Variants in ABTB3 observed in about 807,000 individuals in gnomAD.
The protein encoded by ABTB3 is ankyrin repeat- and BTB/POZ domain-containing protein 3.
At chr12:107,340,651 G>C in the ABTB3 span, among the ~76,000 whole-genome samples, 1 of 151,780 alleles carries the variant, frequency 6.6e-6, no homozygotes, top group East Asian at 1.9e-4. Context: ...ATGAAGCATC[G>C]ATGCAACCCT....
At chr12:107,371,661 T>G in the ABTB3 span, among the ~76,000 whole-genome samples, 3 of 152,204 alleles carry the variant, frequency 2.0e-5, no homozygotes, top group Admixed American at 2.0e-4. Context: ...TTACTCCTCC[T>G]CCATTTCCAT....
At chr12:107,414,722 CTT>C in the ABTB3 span, among the ~76,000 whole-genome samples, 4 of 139,880 alleles carry the variant, frequency 2.9e-5, no homozygotes. Flanking sequence ...TTTTCTTTTT[CTT>C]TTTTTTTTTT....
chr12:107,549,155 C>T, the ABTB3 span, among the ~76,000 whole-genome samples: 882 of 152,310 alleles, frequency 5.8e-3, 10 homozygotes, highest in African/African-American at 0.02. Context: ...ATACAATCAC[C>T]AATCACCAAC....
chr12:107,419,817 G>A, the ABTB3 span, among the ~76,000 whole-genome samples: 2 of 152,334 alleles, frequency 1.3e-5, no homozygotes, highest in South Asian at 4.1e-4. Context: ...CGAAGTTTCA[G>A]ACAGCTTTCT....
chr12:107,410,676 G>T, the ABTB3 span, among the ~76,000 whole-genome samples: 1 of 152,180 alleles, frequency 6.6e-6, no homozygotes, highest in African/African-American at 2.4e-5. Context: ...ACATAGTGAA[G>T]GACTGGAAGG....
At chr12:107,417,808 C>T in the ABTB3 span, among the ~76,000 whole-genome samples, 3 of 152,214 alleles carry the variant, frequency 2.0e-5, no homozygotes, top group African/African-American at 7.2e-5. Context: ...GTCTGCAGAA[C>T]CTGTGTTTAA....
the ABTB3 span, among the ~76,000 whole-genome samples, chr12:107,603,372 C>A: frequency 1.3e-5 from 2 of 152,154 alleles, no homozygotes; most frequent in Non-Finnish European, 2.9e-5. Flanking sequence ...ATTCAGTAAC[C>A]AGAACCATTA....
chr12:107,386,061 C>A, the ABTB3 span, among the ~76,000 whole-genome samples: 12 of 152,312 alleles, frequency 7.9e-5, no homozygotes, highest in East Asian at 2.1e-3. Context: ...AAAATGAGGC[C>A]TTACTAGACT....
chr12:107,409,926 A>T, the ABTB3 span, among the ~76,000 whole-genome samples: 1 of 152,232 alleles, frequency 6.6e-6, no homozygotes, highest in African/African-American at 2.4e-5. Context: ...CCTCTTGTTT[A>T]AAAATAATTA....
the ABTB3 span, among the ~76,000 whole-genome samples, chr12:107,379,127 T>A: frequency 6.6e-6 from 1 of 152,172 alleles, no homozygotes; most frequent in African/African-American, 2.4e-5. Context: ...ATTGGGATAA[T>A]AGTAAACTCC....
At chr12:107,459,718 A>C in the ABTB3 span, among the ~76,000 whole-genome samples, 631 of 152,352 alleles carry the variant, frequency 4.1e-3, 8 homozygotes, top group African/African-American at 0.013. Flanking sequence ...GCCATTTATT[A>C]AGTGACCTGC....
the ABTB3 span, among the ~76,000 whole-genome samples, chr12:107,485,500 T>G: frequency 1.3e-5 from 2 of 152,130 alleles, no homozygotes; most frequent in Non-Finnish European, 2.9e-5. Context: ...AAGCTTTTTT[T>G]GTGACTCTGG....
the ABTB3 span, among the ~76,000 whole-genome samples, chr12:107,579,666 C>T: frequency 6.6e-6 from 1 of 152,206 alleles, no homozygotes; most frequent in Non-Finnish European, 1.5e-5. Flanking sequence ...GACTTATAAC[C>T]CCATCTACCT....
the ABTB3 span, chr12:107,319,295 GC>G: frequency 6.5e-7 from 1 of 1,542,976 alleles, no homozygotes; most frequent in Non-Finnish European, 8.7e-7. Flanking sequence ...GGCAGGCCCG[GC>G]GGTCCCCGGC....
the ABTB3 span, among the ~76,000 whole-genome samples, chr12:107,614,137 A>G: frequency 6.6e-6 from 1 of 152,108 alleles, no homozygotes; most frequent in Non-Finnish European, 1.5e-5. Context: ...TGAGTGAAGC[A>G]GGCATTGAGG....
the ABTB3 span, among the ~76,000 whole-genome samples, chr12:107,590,841 T>C: frequency 6.6e-6 from 1 of 152,192 alleles, no homozygotes; most frequent in Non-Finnish European, 1.5e-5. Context: ...ATTTATTGAT[T>C]ATATATTGAT....
At chr12:107,586,918 T>C in the ABTB3 span, among the ~76,000 whole-genome samples, 1 of 152,190 alleles carries the variant, frequency 6.6e-6, no homozygotes, top group Non-Finnish European at 1.5e-5. Flanking sequence ...CGAGGTGCCA[T>C]TTGATTGAAA....
chr12:107,647,629 C>T, the ABTB3 span, among the ~76,000 whole-genome samples: 1 of 152,358 alleles, frequency 6.6e-6, no homozygotes, highest in African/African-American at 2.4e-5. Context: ...TGGGTGAGAA[C>T]AAGGCGGCAT....
At chr12:107,629,097 A>G in the ABTB3 span, among the ~76,000 whole-genome samples, 264 of 152,298 alleles carry the variant, frequency 1.7e-3, no homozygotes, top group Non-Finnish European at 2.7e-3. Context: ...CCATCTCAAG[A>G]GAGTTTCCTG....
Sources: gnomAD v4.1 joint callset for allele counts (sites outside exome capture counted in the v4.1 genomes callset) on GRCh38, gnomAD v4.1.1 for gene constraint, MANE v1.5 for transcripts, NCBI Gene and HGNC (gene_info 2026-07-23, HGNC 2026-07-21) for gene names.